The following LRP1B variants were observed in gnomAD, a reference collection of about 807,000 sequenced individuals.
LRP1B encodes the protein LDL receptor related protein 1B.
LRP1B carries 217 observed loss-of-function variants against 556.6 expected under a neutral mutation model. The observed-to-expected ratio is 0.39, with a 90% CI of 0.35 to 0.44. The LOEUF is 0.44. LRP1B is among the 20% of genes least tolerant of loss of function. The pLI, the probability that LRP1B is intolerant of heterozygous loss-of-function variation, is 1.00. For missense variants in LRP1B, 5,053 were observed against 5,620.8 expected, an observed-to-expected ratio of 0.90 and a Z score of 3.23; for synonymous variants, 2,047 against 1,865.8, an observed-to-expected ratio of 1.10 and a Z score of -2.50.
At chr2:140,638,787 A>G (rs1039913403) in intron 41 of LRP1B, among the ~76,000 whole-genome samples, 2 of 151,788 alleles carry the variant, frequency 1.3e-5, no homozygotes, top group African/African-American at 4.8e-5. Flanking sequence ...ATATGAAAAA[A>G]TATATATGAA....
At chr2:140,394,091 C>T (rs1684144531) in intron 66 of LRP1B, among the ~76,000 whole-genome samples, 1 of 149,904 alleles carries the variant, frequency 6.7e-6, no homozygotes, top group East Asian at 2.0e-4. Context: ...TCTCTGTCTC[C>T]TTTTCTGTAG....
chr2:141,754,295 A>G (rs1694243936), intron 2 of LRP1B, among the ~76,000 whole-genome samples: 2 of 152,126 alleles, frequency 1.3e-5, no homozygotes, highest in South Asian at 4.1e-4. Context: ...GATAATTGAG[A>G]GTTAACAAGG....
intron 46 of LRP1B, among the ~76,000 whole-genome samples, chr2:140,534,433 A>C (rs996281796): frequency 5.3e-5 from 8 of 152,120 alleles, no homozygotes; most frequent in African/African-American, 1.7e-4. Flanking sequence ...CACAGAAATA[A>C]ACATATATCA....
In LRP1B at chr2:142,096,043, T is replaced by A. The variant is rs573987330; in HGVS notation, c.82+34605A>T. On this transcript the variant is annotated intron_variant, in intron 1 of 90. Transcript: ENST00000389484. ...TGCCAGGTCTTAGTCCACTTAACTA[T>A]TTTTTGTGTTCCAGACTTATTCCTT... Among the ~76,000 whole-genome samples, 12 of 151,752 alleles carry A rather than the reference T, an allele frequency of 7.9e-5. No homozygotes were observed. The East Asian group carries it at 1.2e-3, about 15-fold the overall frequency.
At chr2:141,188,676 G>T in intron 6 of LRP1B, 93 bp from the exon 7 acceptor site, 1 of 1,101,398 alleles carries the variant, frequency 9.1e-7, no homozygotes, top group Non-Finnish European at 1.3e-6. Flanking sequence ...CATCATAGAG[G>T]ACATTTCAAA....
At chr2:141,711,583 G>A (rs1692358521) in intron 2 of LRP1B, among the ~76,000 whole-genome samples, 1 of 152,134 alleles carries the variant, frequency 6.6e-6, no homozygotes, top group Non-Finnish European at 1.5e-5. Context: ...AAATGCATCT[G>A]TTCTTTCTTG....
intron 43 of LRP1B, among the ~76,000 whole-genome samples, chr2:140,572,960 C>T (rs1048892000): frequency 2.0e-5 from 3 of 151,598 alleles, no homozygotes; most frequent in Non-Finnish European, 4.4e-5. Context: ...AAACATCGAT[C>T]CCATAGTAGA....
chr2:141,459,591 G>A (rs1681777592), intron 3 of LRP1B, among the ~76,000 whole-genome samples: 1 of 152,034 alleles, frequency 6.6e-6, no homozygotes, highest in African/African-American at 2.4e-5. Flanking sequence ...GGAGGAACTC[G>A]GTGGGAAATA....
chr2:140,358,252 C>A, intron 73 of LRP1B, 136 bp from the exon 74 acceptor site: 1 of 727,474 alleles, frequency 1.4e-6, no homozygotes, highest in Non-Finnish European at 2.1e-6. Context: ...CTCTCAAGGC[C>A]AAATTTTTAA....
intron 2 of LRP1B, among the ~76,000 whole-genome samples, chr2:141,544,356 T>TTCTTCTTCTTCTCC: frequency 1.0e-5 from 1 of 96,830 alleles, no homozygotes; most frequent in African/African-American, 3.5e-5. Flanking sequence ...CTTCTTCTTC[T>TTCTTCTTCTTCTCC]TCTTCTTCTT....
In LRP1B at chr2:141,096,688, GAGAA is replaced by G. The variant is rs1700330661; in HGVS notation, c.1014-34419_1014-34416del. 3.7e-5 allele frequency among the ~76,000 whole-genome samples: 4 copies of G among 107,870 alleles called. 1 individual carries two copies. Among genetic ancestry groups the G allele is most frequent in the Admixed American group, 9.8e-5 (1 of 10,250 alleles). The allele number at this position is 107,870 out of a possible 152,430, so 70.8% of individuals were successfully genotyped here. ...AGAGAGAGAGAGAGAGAGAGAGAGA[GAGAA>G]AATAAATAAATACATCTTCAGGAAC... On this transcript the variant is annotated intron_variant, in intron 7 of 90. Transcript: ENST00000389484.
intron 2 of LRP1B, among the ~76,000 whole-genome samples, chr2:141,588,337 GA>G (rs1476761207): frequency 1.3e-5 from 2 of 151,812 alleles, no homozygotes; most frequent in Admixed American, 6.6e-5. Flanking sequence ...CCACAGCCTA[GA>G]AAACATAATA....
intron 2 of LRP1B, among the ~76,000 whole-genome samples, chr2:141,681,245 A>T (rs1201612637): frequency 6.6e-6 from 1 of 152,104 alleles, no homozygotes; most frequent in Non-Finnish European, 1.5e-5. Context: ...GTGAGCCATG[A>T]TCGCACTACT....
chr2:141,705,795 A>G (rs762845675), intron 2 of LRP1B, among the ~76,000 whole-genome samples: 1 of 151,862 alleles, frequency 6.6e-6, no homozygotes, highest in Non-Finnish European at 1.5e-5. Context: ...GGTCTATTTA[A>G]CTCCAAACAG....
chr2:142,127,106 T>TA (rs1707681128), intron 1 of LRP1B, among the ~76,000 whole-genome samples: 1 of 151,914 alleles, frequency 6.6e-6, no homozygotes, highest in Non-Finnish European at 1.5e-5. Flanking sequence ...CTTACATTTT[T>TA]AAAAAATCAC....
At chr2:140,960,280 G>T (rs966324944) in intron 18 of LRP1B, among the ~76,000 whole-genome samples, 15 of 151,722 alleles carry the variant, frequency 9.9e-5, no homozygotes, top group Admixed American at 8.5e-4. Context: ...AGACAGCTTT[G>T]GTTATTACAT....
At chr2:140,737,863 C>T (rs1453059209) in intron 35 of LRP1B, among the ~76,000 whole-genome samples, 1 of 152,204 alleles carries the variant, frequency 6.6e-6, no homozygotes, top group Non-Finnish European at 1.5e-5. Context: ...CGTAATAGCC[C>T]TGGTGGCAGC....
chr2:140,526,259 A>T lies in LRP1B; in HGVS notation c.7854T>A (p.Asp2618Glu). 1.9e-6 allele frequency: 3 copies of T among 1,611,918 alleles called. No homozygotes were observed. Among genetic ancestry groups the T allele is most frequent in the Non-Finnish European group, 2.5e-6 (3 of 1,178,568 alleles). ...TACTGCAGTTCTTTTCATCTGAAGC[A>T]TCTGCACAATCTATGTTCTGGTTGC... ...ARCNQNIDCA[D>E]ASDEKNCNNT... Residue 2618 changes from aspartate (D) to glutamate (E), a missense_variant, in exon 48 of 91, where the codon GAT (aspartate) becomes GAA (glutamate). By Grantham distance (45) the Asp-to-Glu change is conservative. Around this residue, in one of 5 missense-constraint regions of LRP1B, gnomAD observed 3,619 missense variants for 3,931.9 expected, o/e 0.92. Coordinates refer to ENST00000389484, the MANE Select transcript of LRP1B (RefSeq NM_018557.3).
At chr2:141,490,157 T>C (rs187113244) in intron 2 of LRP1B, among the ~76,000 whole-genome samples, 1 of 152,232 alleles carries the variant, frequency 6.6e-6, no homozygotes, top group Admixed American at 6.6e-5. Flanking sequence ...AGACTCAGTT[T>C]AGGAAATTTT....
Sources: allele counts gnomAD v4.1 joint callset (sites outside exome capture counted in the v4.1 genomes callset), GRCh38; gene constraint gnomAD v4.1.1; regional missense constraint gnomAD v4.1.1; transcripts MANE v1.5; gene names NCBI Gene and HGNC (gene_info 2026-07-23, HGNC 2026-07-21).